Variants in HEATR4 observed in about 807,000 individuals in gnomAD.
The protein encoded by HEATR4 is HEAT repeat containing 4.
A neutral mutation model predicts 108.8 loss-of-function variants in HEATR4; 95 were observed. The ratio of observed to expected loss-of-function variants is 0.87; its 90% CI spans 0.74 to 1.04. The LOEUF is 1.04. HEATR4 is among the 50% of genes least tolerant of loss of function. The pLI, the probability that HEATR4 is intolerant of heterozygous loss-of-function variation, is 0.00. For synonymous variants in HEATR4, 443 were observed against 459.4 expected, an observed-to-expected ratio of 0.96 and a Z score of 0.46; for missense variants, 1,152 against 1,253.8, an observed-to-expected ratio of 0.92 and a Z score of 1.23.
At chr14:73,617,915 CG>C in the HEATR4 span, among the ~76,000 whole-genome samples, 77,957 of 151,740 alleles carry the variant, frequency 0.51, 20,768 homozygotes, top group East Asian at 0.85. Context: ...GAGGCCAAGG[CG>C]GGCAGATCAC....
chr14:73,591,891 C>A, the HEATR4 span: 1 of 1,313,184 alleles, frequency 7.6e-7, no homozygotes, highest in Non-Finnish European at 9.7e-7. Context: ...TCCGGACATT[C>A]GGCGCGCTTG....
intron 17 of HEATR4, chr14:73,490,901 C>T (rs1030960483): frequency 5.0e-5 from 58 of 1,153,602 alleles, no homozygotes; most frequent in Non-Finnish European, 6.3e-5. Context: ...CGTGGCCAAC[C>T]CCGAGGTGGC....
chr14:73,493,151 T>G (rs1175526598), intron 16 of HEATR4, 27 bp from the exon 17 acceptor site: 3 of 1,601,806 alleles, frequency 1.9e-6, no homozygotes, highest in East Asian at 2.2e-5. Context: ...AAGGAGAAGT[T>G]GGAGGTGGAA....
intron 9 of HEATR4, 25 bp from the exon 10 acceptor site, chr14:73,506,596 G>A (rs1179109540): frequency 1.3e-6 from 2 of 1,527,238 alleles, no homozygotes; most frequent in Non-Finnish European, 1.8e-6. Context: ...GACTTGTATG[G>A]ATATTCACAA....
Position 73,506,469 on chromosome 14 carries a change from A to C in HEATR4, c.1984T>G (p.Leu662Val), listed in dbSNP as rs766968201. 2 of 1,612,586 alleles carry C rather than the reference A, an allele frequency of 1.2e-6. No homozygotes were observed. The highest frequency in any genetic ancestry group is 1.7e-4 in the Middle Eastern group (1 of 6,058). ...AFSRISGNVC[L>V]DMKHKLIQLM... Reference sequence around the variant, plus strand: ...TGGAGGCAAAGAAAGAGGTTTACCAAGCAGACATTTCCACTGATCCGGGAG... The same window carrying C: ...TGGAGGCAAAGAAAGAGGTTTACCACGCAGACATTTCCACTGATCCGGGAG... Residue 662 changes from leucine (L) to valine (V), a missense_variant and splice_region_variant, in exon 10 of 18, where the codon TTG (leucine) becomes GTG (valine). Physicochemically the swap from Leu to Val is conservative, Grantham distance 32. Coordinates refer to ENST00000553558, the MANE Select transcript of HEATR4 (RefSeq NM_001220484.1).
At chr14:73,576,965 C>T in the HEATR4 span, among the ~76,000 whole-genome samples, 7 of 139,472 alleles carry the variant, frequency 5.0e-5, no homozygotes, top group Non-Finnish European at 9.1e-5. Context: ...GGGTCTCACT[C>T]TGTTGCCCAG....
chr14:73,594,905 A>T, the HEATR4 span: 262 of 921,442 alleles, frequency 2.8e-4, 1 homozygote, highest in Middle Eastern at 3.9e-3. Flanking sequence ...GGGTTCTGCC[A>T]TGTTGGCCAG....
intron 11 of HEATR4, among the ~76,000 whole-genome samples, chr14:73,502,156 A>G (rs1886512559): frequency 1.3e-5 from 2 of 151,398 alleles, no homozygotes; most frequent in Admixed American, 1.3e-4. Flanking sequence ...AGAGTCTCAA[A>G]GTATTGGGAT....
upstream of HEATR4, among the ~76,000 whole-genome samples, chr14:73,561,554 G>A (rs749187095): frequency 1.7e-4 from 26 of 151,896 alleles, no homozygotes; most frequent in Admixed American, 5.9e-4. Context: ...GGGCATGGTG[G>A]CACACACCTG....
the HEATR4 span, among the ~76,000 whole-genome samples, chr14:73,632,859 AGAAG>A: frequency 9.0e-5 from 12 of 133,678 alleles, no homozygotes; most frequent in Admixed American, 3.9e-4. Flanking sequence ...AAAAAAAAAA[AGAAG>A]AAGAAGAAAT....
rs749857348 is a variant in HEATR4, at chr14:73,521,032, T to G, written c.889A>C (p.Ser297Arg). The change falls in exon 4 of 18, where the codon AGT (serine) becomes CGT (arginine). Residue 297 changes from serine to arginine, a missense_variant. Transcript: ENST00000553558. ...LLLPVYYRLP[S>R]YFQQAETVEI... is the part of the protein sequence containing the mutation. ...ACTGTCTCTGCTTGTTGGAAGTAAC[T>G]GGGCAATCTTGGCAGGGGTGAGAAA... 20 of 1,613,012 alleles carry G rather than the reference T, an allele frequency of 1.2e-5. No individual in the cohort carries two copies. The highest frequency in any genetic ancestry group is 1.6e-5 in the Non-Finnish European group (19 of 1,179,602).
At chr14:73,499,231 A>AAAAT in intron 12 of HEATR4, 91 bp from the exon 13 acceptor site, 1 of 1,140,778 alleles carries the variant, frequency 8.8e-7, no homozygotes, top group Non-Finnish European at 1.3e-6. Context: ...CTGTAATCCC[A>AAAAT]GCATTTTGGG....
the HEATR4 span, among the ~76,000 whole-genome samples, chr14:73,631,148 A>T: frequency 6.6e-6 from 1 of 152,108 alleles, no homozygotes; most frequent in Admixed American, 6.6e-5. Context: ...TGAAAATGGG[A>T]TTGTTTCTCC....
In HEATR4 at chr14:73,549,090, AC is replaced by A. The variant is rs1466962481; in HGVS notation, c.-152+9660del. Among the ~76,000 whole-genome samples the A allele has an allele frequency of 2.7e-4, 31 of 114,620 alleles. 4 individuals are homozygous for A. Among genetic ancestry groups the A allele is most frequent in the African/African-American group, 8.5e-4 (30 of 35,320 alleles). 75.2% of individuals were successfully genotyped at this position (114,620 alleles called of 152,430 possible). A position where few individuals can be genotyped will look rare whatever the true frequency, so the allele number is the denominator to read the frequency against. ...AGGCTAGGAAATCCAAGATCAAGGC[AC>A]CAGCAGATCTGGTGTCTGCTGAGGG... On this transcript the variant is annotated intron_variant, in intron 1 of 17. Coordinates refer to ENST00000553558, the MANE Select transcript of HEATR4 (RefSeq NM_001220484.1).
the HEATR4 span, chr14:73,631,854 G>A: frequency 0.012 from 1,889 of 151,758 alleles, 43 homozygotes; most frequent in African/African-American, 0.048. Context: ...GGAATATCAT[G>A]TGTATACAGC....
chr14:73,478,958 A>C (rs1885125628), intron 17 of HEATR4, 116 bp from the exon 18 acceptor site: 1 of 714,198 alleles, frequency 1.4e-6, no homozygotes, highest in Non-Finnish European at 2.3e-6. Context: ...TTTCTTTTTG[A>C]GACGGAGTCC....
intron 17 of HEATR4, among the ~76,000 whole-genome samples, chr14:73,486,518 C>T (rs1250941799): frequency 2.0e-5 from 3 of 151,878 alleles, no homozygotes; most frequent in South Asian, 4.1e-4. Context: ...ACCAACATGG[C>T]GAAACCCCGT....
the HEATR4 span, among the ~76,000 whole-genome samples, chr14:73,585,820 C>CTT: frequency 0.072 from 8,360 of 115,398 alleles, 861 homozygotes; most frequent in African/African-American, 0.26. Context: ...TTGTCTTTTT[C>CTT]TTTTTTTTTT....
chr14:73,624,421 G>A, the HEATR4 span, among the ~76,000 whole-genome samples: 14 of 152,048 alleles, frequency 9.2e-5, no homozygotes, highest in South Asian at 2.1e-4. Context: ...GAGCCAACGC[G>A]CCCCGCCCAA....
Sources: gnomAD v4.1 joint callset for allele counts (sites outside exome capture counted in the v4.1 genomes callset) on GRCh38, gnomAD v4.1.1 for gene constraint, MANE v1.5 for transcripts, NCBI Gene and HGNC (gene_info 2026-07-23, HGNC 2026-07-21) for gene names.